The following MEF2A variants were observed in gnomAD, a reference collection of about 807,000 sequenced individuals.
The protein encoded by MEF2A is myocyte-specific enhancer factor 2A.
Under a neutral mutation model 55.8 loss-of-function variants are expected in MEF2A, and 28 were observed. That is an observed-to-expected ratio of 0.50 (90% confidence interval 0.37 to 0.69). The LOEUF (loss-of-function observed/expected upper bound fraction) is 0.69, where lower values mean the gene tolerates loss of function less well. Among genes scored for constraint, MEF2A ranks in the 30% least tolerant of loss-of-function variants. MEF2A has a pLI of 0.00. For missense variants in MEF2A, 528 were observed against 626.2 expected, an observed-to-expected ratio of 0.84 and a Z score of 1.67; for synonymous variants, 239 against 227.1, an observed-to-expected ratio of 1.05 and a Z score of -0.47.
At chr15:99,695,414 TCTA>T (rs746668847) in intron 8 of MEF2A, among the ~76,000 whole-genome samples, 64 of 152,238 alleles carry the variant, frequency 4.2e-4, no homozygotes, top group Admixed American at 4.6e-4. Context: ...TAAAAAATGC[TCTA>T]CTAAGTAGCC....
At chr15:99,574,688 G>T (rs539614498) in intron 1 of MEF2A, among the ~76,000 whole-genome samples, 1 of 152,166 alleles carries the variant, frequency 6.6e-6, no homozygotes, top group African/African-American at 2.4e-5. Context: ...TGCAAGCGAC[G>T]GGGAGCGGCT....
intron 2 of MEF2A, among the ~76,000 whole-genome samples, chr15:99,625,736 GT>G (rs1487304700): frequency 4.0e-5 from 6 of 151,892 alleles, no homozygotes; most frequent in African/African-American, 1.2e-4. Flanking sequence ...AGATGATCAT[GT>G]TTTTTTTCCC....
At chr15:99,640,589 C>G (rs1214729235) in intron 3 of MEF2A, among the ~76,000 whole-genome samples, 1 of 144,060 alleles carries the variant, frequency 6.9e-6, no homozygotes, top group Non-Finnish European at 1.5e-5. Context: ...CAGGGTCTTG[C>G]TCTGTCACCC....
Position 99,633,815 on chromosome 15 carries a change from A to G in MEF2A, c.54+642A>G, listed in dbSNP as rs150099022. On this transcript the variant is annotated intron_variant, in intron 3 of 11. Coordinates refer to ENST00000557942, the MANE Select transcript of MEF2A (RefSeq NM_001319206.4). The stretch of plus-strand genomic sequence containing the variant: ...ATGTTGGCTTAACAAACTATGGTCC[A>G]TGGGCTGGCCATCTGTTATTGTAAA... Among the ~76,000 whole-genome samples the G allele has an allele frequency of 3.4e-3, 519 of 152,212 alleles. 2 individuals are homozygous for G. Among genetic ancestry groups the G allele is most frequent in the African/African-American group, 0.012 (488 of 41,498 alleles).
chr15:99,637,836 G>A (rs2153438094), intron 3 of MEF2A, among the ~76,000 whole-genome samples: 1 of 152,166 alleles, frequency 6.6e-6, no homozygotes, highest in South Asian at 2.1e-4. Flanking sequence ...GTAGAGACGG[G>A]GTTTCATGGT....
chr15:99,657,970 C>A lies in MEF2A; in HGVS notation c.258+12206C>A, dbSNP rs1050909947. On this transcript the variant is annotated intron_variant, in intron 4 of 11. Coordinates refer to ENST00000557942, the MANE Select transcript of MEF2A (RefSeq NM_001319206.4). ...TAACTGGGGGAAGCAAATTTATATC[C>A]TTTTTGAAGAAAGTCACCTTATTCT... is the stretch of plus-strand genomic sequence containing the variant. 6.6e-5 allele frequency among the ~76,000 whole-genome samples: 10 copies of A among 152,150 alleles called. No homozygotes were observed. In the East Asian group the frequency reaches 1.9e-3, roughly 29 times the overall value.
intron 2 of MEF2A, among the ~76,000 whole-genome samples, chr15:99,623,781 C>T (rs1004408435): frequency 6.8e-6 from 1 of 146,972 alleles, no homozygotes; most frequent in Non-Finnish European, 1.5e-5. Flanking sequence ...GGATATTAAT[C>T]TTGTATCAAA....
intron 8 of MEF2A, among the ~76,000 whole-genome samples, chr15:99,695,243 A>G (rs2056245651): frequency 1.3e-5 from 2 of 152,184 alleles, no homozygotes; most frequent in African/African-American, 2.4e-5. Flanking sequence ...ATATATGACA[A>G]CAAAAGATGG....
In MEF2A at chr15:99,690,261, A is replaced by G. The variant is rs1021756347; in HGVS notation, c.691A>G (p.Arg231Gly). Reference sequence around the variant, plus strand: ...CCCAGGGAATGGATTTGTAAACTCAAGAGCTTCTCCAAATTTGATTGGAGC... The same window carrying G: ...CCCAGGGAATGGATTTGTAAACTCAGGAGCTTCTCCAAATTTGATTGGAGC... ...SPVGNGFVNS[R>G]ASPNLIGATG... The change falls in exon 8 of 12, where the codon AGA becomes GGA. Residue 231 changes from arginine to glycine, a missense_variant. Physicochemically the swap from Arg to Gly is moderately radical, Grantham distance 125. Around this residue, in one of 2 missense-constraint regions of MEF2A, gnomAD observed 450 missense variants for 475.3 expected, o/e 0.95. Transcript: ENST00000557942. 1.2e-6 allele frequency: 2 copies of G among 1,613,478 alleles called. No individual in the cohort carries two copies. Among genetic ancestry groups the G allele is most frequent in the Non-Finnish European group, 8.5e-7 (1 of 1,179,706 alleles).
chr15:99,678,868 C>T (rs1233352022), intron 7 of MEF2A: 1 of 169,960 alleles, frequency 5.9e-6, no homozygotes, highest in African/African-American at 2.4e-5. Context: ...TGTATACAAT[C>T]AATAGAGAGG....
intron 7 of MEF2A, among the ~76,000 whole-genome samples, chr15:99,676,710 C>T (rs1269102326): frequency 6.6e-6 from 1 of 151,976 alleles, no homozygotes; most frequent in East Asian, 1.9e-4. Context: ...GCTGGGACTA[C>T]AGGTGCCCGC....
intron 4 of MEF2A, among the ~76,000 whole-genome samples, chr15:99,660,095 A>G (rs1208981903): frequency 6.6e-6 from 1 of 152,160 alleles, no homozygotes; most frequent in East Asian, 1.9e-4. Context: ...CAGCTAGGAG[A>G]GTTGCAAAGA....
intron 8 of MEF2A, among the ~76,000 whole-genome samples, chr15:99,698,289 T>G (rs2056817057): frequency 6.6e-6 from 1 of 152,178 alleles, no homozygotes; most frequent in Non-Finnish European, 1.5e-5. Context: ...AATAAAGAGT[T>G]TGTATCCAGA....
chr15:99,638,734 C>A (rs1045677018), intron 3 of MEF2A, among the ~76,000 whole-genome samples: 11 of 151,892 alleles, frequency 7.2e-5, no homozygotes, highest in African/African-American at 2.7e-4. Context: ...TCTTTAAGTT[C>A]ATGTCTGTGA....
rs1489779021 is a variant in MEF2A at position 99,675,462 on chromosome 15, A to G, written c.670+4A>G. The G allele has an allele frequency of 1.9e-6, 3 of 1,612,592 alleles. No individual in the cohort carries two copies. The highest frequency in any genetic ancestry group is 2.5e-6 in the Non-Finnish European group (3 of 1,178,702). On this transcript the variant is annotated splice_donor_region_variant and intron_variant, in intron 7 of 11. Transcript: ENST00000557942. ...GGAGCTGGAAGCAGTCCAGTGGGTG[A>G]GTGAATTCCTACTCTTCTGTTTTGT...
At chr15:99,614,379 G>A (rs910584060) in intron 2 of MEF2A, among the ~76,000 whole-genome samples, 6 of 152,050 alleles carry the variant, frequency 3.9e-5, no homozygotes, top group Non-Finnish European at 5.9e-5. Flanking sequence ...GTGAGTCACC[G>A]CGCCAAGCCC....
At chr15:99,642,124 A>T (rs1013426536) in intron 3 of MEF2A, among the ~76,000 whole-genome samples, 2 of 152,178 alleles carry the variant, frequency 1.3e-5, no homozygotes, top group African/African-American at 4.8e-5. Context: ...GGCTAGGTCT[A>T]ACGTTCTAGG....
At chr15:99,607,592 A>G (rs1975612099) in intron 2 of MEF2A, among the ~76,000 whole-genome samples, 1 of 152,200 alleles carries the variant, frequency 6.6e-6, no homozygotes, top group Non-Finnish European at 1.5e-5. Context: ...CCCAGTAGTT[A>G]TGACATCCTG....
At chr15:99,699,394 G>A (rs2057021051) in intron 8 of MEF2A, among the ~76,000 whole-genome samples, 1 of 152,216 alleles carries the variant, frequency 6.6e-6, no homozygotes, top group Non-Finnish European at 1.5e-5. Flanking sequence ...GGTTGGGAGT[G>A]GAGAGAGGAG....
Sources: gnomAD v4.1 joint callset for allele counts (sites outside exome capture counted in the v4.1 genomes callset) on GRCh38, gnomAD v4.1.1 for gene constraint, gnomAD v4.1.1 regional missense constraint, MANE v1.5 for transcripts, NCBI Gene and HGNC (gene_info 2026-07-23, HGNC 2026-07-21) for gene names.